COBLL1: variants seen among roughly 807,000 people sequenced by gnomAD.
COBLL1 encodes the protein cordon-bleu WH2 repeat protein like 1, also known as cordon-bleu protein-like 1.
Under a neutral mutation model 94.8 loss-of-function variants are expected in COBLL1, and 50 were observed. The observed-to-expected ratio is 0.53, with a 90% CI of 0.42 to 0.67. COBLL1 has a LOEUF of 0.67. Among genes scored for constraint, COBLL1 ranks in the 30% least tolerant of loss-of-function variants. COBLL1 has a pLI of 0.00. For synonymous variants in COBLL1, 448 were observed against 473.8 expected, an observed-to-expected ratio of 0.95 and a Z score of 0.71; for missense variants, 1,362 against 1,348.7, an observed-to-expected ratio of 1.01 and a Z score of -0.15.
At position 164,683,161 on chromosome 2, in the gene COBLL1, T is replaced by C. The variant is rs977677268; in HGVS notation, c.*2785A>G. 3 of 151,996 alleles carry C rather than the reference T, an allele frequency of 2.0e-5. No individual in the cohort carries two copies. The highest frequency in any genetic ancestry group is 2.0e-4 in the Admixed American group (3 of 15,222). The allele number at this position is 151,996 out of a possible 1,614,324, so 9.4% of individuals were successfully genotyped here. On this transcript the variant is annotated 3_prime_UTR_variant, in exon 14 of 14. Coordinates refer to ENST00000652658, the MANE Select transcript of COBLL1 (RefSeq NM_001365672.2). The stretch of plus-strand genomic sequence containing the variant: ...GTGGGATGCTGGGGATGAAAAAGAA[T>C]GTATTTTATACTCTATCATATATAT...
intron 2 of COBLL1, among the ~76,000 whole-genome samples, chr2:164,779,141 T>C (rs955844096): frequency 2.6e-5 from 4 of 152,266 alleles, no homozygotes; most frequent in African/African-American, 4.8e-5. Flanking sequence ...CCTATCCAAA[T>C]TGTTTTTCTT....
intron 2 of COBLL1, chr2:164,800,419 C>T (rs971210482): frequency 1.7e-6 from 1 of 600,638 alleles, no homozygotes; most frequent in African/African-American, 1.9e-5. Context: ...ACCAACGATA[C>T]TATGTTGGTG....
chr2:164,664,958 G>T (rs1353674126), intron 2 of COBLL1, among the ~76,000 whole-genome samples: 3 of 151,976 alleles, frequency 2.0e-5, no homozygotes, highest in Non-Finnish European at 4.4e-5. Context: ...CACAAAACAG[G>T]GTGAAAGAAA....
At chr2:164,763,677 G>A (rs1687800918) in intron 2 of COBLL1, among the ~76,000 whole-genome samples, 1 of 152,000 alleles carries the variant, frequency 6.6e-6, no homozygotes, top group Non-Finnish European at 1.5e-5. Flanking sequence ...ATTCATGACT[G>A]GAATATATTA....
At chr2:164,769,823 C>T (rs73015515) in intron 2 of COBLL1, among the ~76,000 whole-genome samples, 1,657 of 152,240 alleles carry the variant, frequency 0.011, 30 homozygotes, top group African/African-American at 0.038. Context: ...TAAGCACCTA[C>T]GCTGGCTTTG....
At chr2:164,842,070 A>T, upstream of COBLL1, 1 of 1,412,896 alleles carries the variant, frequency 7.1e-7, no homozygotes, top group Non-Finnish European at 9.6e-7. Flanking sequence ...AGCGAGCCGG[A>T]GAGAGGAACG....
rs1558960565 is a variant in COBLL1 at position 164,729,962 on chromosome 2, T to G, written c.384A>C (p.Leu128Phe). The G allele has an allele frequency of 6.2e-7, 1 of 1,614,042 alleles. No individual in the cohort carries two copies. The change falls in exon 4 of 14, where the codon TTA (leucine) becomes TTC (phenylalanine). Residue 128 changes from leucine (L) to phenylalanine (F), a missense_variant. Physicochemically the swap from Leu to Phe is conservative, Grantham distance 22. Coordinates refer to ENST00000652658, the MANE Select transcript of COBLL1 (RefSeq NM_001365672.2). ...TTTTCTTATCCAACATTTTTGGCTT[T>G]AAAATTACCTTCTCTACCTCCAACA... ...IGMLEVEKVI[L>F]KPKMLDKKKP...
Position 164,841,327 on chromosome 2 carries a change from C to G in COBLL1, c.-50-81G>C, listed in dbSNP as rs902147637. ...AGCGAAGCTGGCTGAGCGTCAAGAG[C>G]CCGCCCGAGCCGCTCCAGCCCCGGC... On this transcript the variant is annotated intron_variant, in intron 1 of 13. Coordinates refer to ENST00000652658, the MANE Select transcript of COBLL1 (RefSeq NM_001365672.2). The surrounding 1 kb of genome is among the most constrained non-coding windows in gnomAD (Gnocchi z 5.5). 1.7e-6 allele frequency: 2 copies of G among 1,205,664 alleles called. No individual in the cohort carries two copies. Among genetic ancestry groups the G allele is most frequent in the African/African-American group, 3.2e-5 (2 of 63,266 alleles). 74.7% of individuals were successfully genotyped at this position (1,205,664 alleles called of 1,614,324 possible).
At chr2:164,824,917 C>A (rs1020724691) in intron 2 of COBLL1, among the ~76,000 whole-genome samples, 1 of 152,132 alleles carries the variant, frequency 6.6e-6, no homozygotes, top group Non-Finnish European at 1.5e-5. Context: ...TACAAGTTGT[C>A]TATAAGTTGT....
Position 164,680,531 on chromosome 2 carries a change from C to T in COBLL1, c.*5415G>A, listed in dbSNP as rs1000495016. On this transcript the variant is annotated 3_prime_UTR_variant, in exon 14 of 14. Transcript: ENST00000652658. ...TGAGTTACTCTTTTCCGTAATGACG[C>T]CTCTTGGTTTCTTGACTTAGGGAGT... is the stretch of plus-strand genomic sequence containing the variant. 5 of 152,072 alleles carry T rather than the reference C, an allele frequency of 3.3e-5. No individual in the cohort carries two copies. Among genetic ancestry groups the T allele is most frequent in the African/African-American group, 1.2e-4 (5 of 41,394 alleles). 9.4% of individuals were successfully genotyped at this position (152,072 alleles called of 1,614,324 possible). A position where few individuals can be genotyped will look rare whatever the true frequency, so the allele number is the denominator to read the frequency against.
intron 2 of COBLL1, among the ~76,000 whole-genome samples, chr2:164,770,654 C>T (rs950564121): frequency 1.5e-4 from 23 of 152,184 alleles, no homozygotes; most frequent in Non-Finnish European, 2.8e-4. Flanking sequence ...GCAATTCTTC[C>T]TCCCAGAAAC....
At chr2:164,728,625 T>G (rs777622733) in intron 4 of COBLL1, among the ~76,000 whole-genome samples, 3 of 152,080 alleles carry the variant, frequency 2.0e-5, no homozygotes, top group Non-Finnish European at 2.9e-5. Flanking sequence ...AGGGGTATTT[T>G]GGTTAAGTCA....
chr2:164,753,512 A>C (rs1463114618), intron 2 of COBLL1, among the ~76,000 whole-genome samples: 1 of 151,658 alleles, frequency 6.6e-6, no homozygotes, highest in Non-Finnish European at 1.5e-5. Context: ...TCTTCCAAGT[A>C]CTCTTTCAAG....
chr2:164,742,880 C>A (rs771225677), intron 3 of COBLL1, among the ~76,000 whole-genome samples: 4 of 151,838 alleles, frequency 2.6e-5, no homozygotes, highest in Non-Finnish European at 2.9e-5. Context: ...AGCGAGCGAG[C>A]GAGCTAAGGT....
intron 2 of COBLL1, among the ~76,000 whole-genome samples, chr2:164,764,630 A>C (rs1034345556): frequency 1.3e-5 from 2 of 152,132 alleles, no homozygotes; most frequent in African/African-American, 4.8e-5. Flanking sequence ...AAAGCATATG[A>C]GACTTTTTGG....
At chr2:164,838,022 A>G (rs1559063058) in intron 2 of COBLL1, among the ~76,000 whole-genome samples, 2 of 152,162 alleles carry the variant, frequency 1.3e-5, no homozygotes, top group Admixed American at 6.5e-5. Flanking sequence ...GCCTGTCTCA[A>G]AAGAAAGGGA....
At chr2:164,767,029 G>T (rs79648078) in intron 2 of COBLL1, among the ~76,000 whole-genome samples, 1,587 of 152,260 alleles carry the variant, frequency 0.01, 26 homozygotes, top group African/African-American at 0.036. Context: ...TAAGGATAAT[G>T]AATAAACTAA....
intron 2 of COBLL1, among the ~76,000 whole-genome samples, chr2:164,759,836 A>C (rs922105909): frequency 1.3e-5 from 2 of 152,238 alleles, no homozygotes; most frequent in African/African-American, 2.4e-5. Flanking sequence ...AGGAAAATGC[A>C]AATTAAAGCT....
At chr2:164,807,441 T>TAA (rs776098197) in intron 2 of COBLL1, among the ~76,000 whole-genome samples, 1 of 139,630 alleles carries the variant, frequency 7.2e-6, no homozygotes. Context: ...TCGTCTCAAT[T>TAA]AAAAAAAAAA....
Sources: gnomAD v4.1 joint callset for allele counts (sites outside exome capture counted in the v4.1 genomes callset) on GRCh38, gnomAD v4.1.1 for gene constraint, Gnocchi (gnomAD v3.1) non-coding constraint, MANE v1.5 for transcripts, NCBI Gene and HGNC (gene_info 2026-07-23, HGNC 2026-07-21) for gene names.